KCNT2: variants seen among roughly 807,000 people sequenced by gnomAD.
The protein encoded by KCNT2 is potassium channel subfamily T member 2.
A neutral mutation model predicts 153.8 loss-of-function variants in KCNT2; 67 were observed. The ratio of observed to expected loss-of-function variants is 0.44; its 90% CI spans 0.36 to 0.53. The LOEUF (loss-of-function observed/expected upper bound fraction) is 0.53. Among genes scored for constraint, KCNT2 ranks in the 20% least tolerant of loss-of-function variants. The pLI is 0.00. For missense variants in KCNT2, 975 were observed against 1,354.8 expected (o/e 0.72, Z 4.40); for synonymous variants, 500 against 458.8 (o/e 1.09, Z -1.15).
Position 196,492,262 on chromosome 1 carries a change from T to C in KCNT2, c.175A>G (p.Ser59Gly). 7.0e-7 allele frequency: 1 copy of C among 1,420,196 alleles called. No homozygotes were observed. Among genetic ancestry groups the C allele is most frequent in the Non-Finnish European group, 9.4e-7 (1 of 1,067,618 alleles). 88.0% of individuals were successfully genotyped at this position (1,420,196 alleles called of 1,614,324 possible). A position where few individuals can be genotyped will look rare whatever the true frequency, so the allele number is the denominator to read the frequency against. Residue 59 changes from serine to glycine, a missense_variant and splice_region_variant, in exon 2 of 28, where the codon AGT becomes GGT. Around this residue, in one of 6 missense-constraint regions of KCNT2, gnomAD observed 140 missense variants for 216.0 expected, o/e 0.65. Coordinates refer to ENST00000294725, the MANE Select transcript of KCNT2 (RefSeq NM_198503.5). The stretch of plus-strand genomic sequence containing the variant: ...GAGGGGAATGAAATGAATAACTTAC[T>C]TGATCTCTGGTTTTTTATGAAAAAT... ...KLFFIKNQRS[S>G]LRIRLFNFSL...
intron 12 of KCNT2, among the ~76,000 whole-genome samples, chr1:196,399,862 C>T (rs1486412263): frequency 6.6e-6 from 1 of 151,800 alleles, no homozygotes; most frequent in Non-Finnish European, 1.5e-5. Flanking sequence ...AAGGATGTTG[C>T]AAGAAGACAA....
chr1:196,376,104 T>G (rs952490884), intron 13 of KCNT2, among the ~76,000 whole-genome samples: 5 of 151,850 alleles, frequency 3.3e-5, no homozygotes, highest in African/African-American at 1.2e-4. Context: ...AAATATTCCT[T>G]CATTCTAACT....
intron 1 of KCNT2, among the ~76,000 whole-genome samples, chr1:196,515,810 C>T (rs1307818828): frequency 6.6e-6 from 1 of 152,142 alleles, no homozygotes; most frequent in Non-Finnish European, 1.5e-5. Context: ...GATGACTGCC[C>T]ACCCTGGAGC....
intron 14 of KCNT2, among the ~76,000 whole-genome samples, chr1:196,351,008 A>C (rs1364579190): frequency 6.6e-6 from 1 of 152,092 alleles, no homozygotes; most frequent in African/African-American, 2.4e-5. Flanking sequence ...AAGATCAGAT[A>C]GTTGTAGATA....
chr1:196,385,971 A>G (rs1461718844), intron 13 of KCNT2, among the ~76,000 whole-genome samples: 3 of 152,062 alleles, frequency 2.0e-5, no homozygotes, highest in Non-Finnish European at 4.4e-5. Flanking sequence ...AGAATAACAA[A>G]GTGTGATATC....
Position 196,227,989 on chromosome 1 carries a change from T to C in KCNT2, c.*235A>G, listed in dbSNP as rs1653621374. 3.0e-6 allele frequency: 1 copy of C among 329,158 alleles called. No homozygotes were observed. Among genetic ancestry groups the C allele is most frequent in the Non-Finnish European group, 5.5e-6 (1 of 182,976 alleles). The allele number at this position is 329,158 out of a possible 1,614,324, so 20.4% of individuals were successfully genotyped here. On this transcript the variant is annotated 3_prime_UTR_variant, in exon 28 of 28. Transcript: ENST00000294725. ...ATTAAATGTCAGATTTAAATTTTTG[T>C]ATTTTAATTTAGCTTTTCAAATTTA...
chr1:196,376,542 G>T (rs1558214117), intron 13 of KCNT2, among the ~76,000 whole-genome samples: 1 of 151,526 alleles, frequency 6.6e-6, no homozygotes, highest in East Asian at 2.0e-4. Flanking sequence ...TGGAATTACA[G>T]CTAAGGGATT....
chr1:196,546,919 T>TAATA (rs1009100247), intron 1 of KCNT2, among the ~76,000 whole-genome samples: 19 of 152,102 alleles, frequency 1.2e-4, no homozygotes, highest in Admixed American at 1.1e-3. Context: ...AAAAAGAATG[T>TAATA]AATAAATATT....
intron 8 of KCNT2, among the ~76,000 whole-genome samples, chr1:196,451,788 C>T (rs1676230876): frequency 6.6e-6 from 1 of 151,646 alleles, no homozygotes; most frequent in South Asian, 2.1e-4. Flanking sequence ...TTTGTGTTTA[C>T]TGTTTTTTCT....
chr1:196,301,877 C>A (rs868113574), intron 22 of KCNT2, among the ~76,000 whole-genome samples: 10 of 152,046 alleles, frequency 6.6e-5, no homozygotes, highest in Non-Finnish European at 1.3e-4. Context: ...GTAGCTGGGA[C>A]TACAGGTGCA....
At chr1:196,436,118 T>C (rs900400341) in intron 8 of KCNT2, among the ~76,000 whole-genome samples, 4 of 151,292 alleles carry the variant, frequency 2.6e-5, no homozygotes, top group Non-Finnish European at 5.9e-5. Flanking sequence ...ACTATTCTGA[T>C]TCACATTATA....
intron 1 of KCNT2, among the ~76,000 whole-genome samples, chr1:196,602,826 C>CCGGACTG (rs1157726186): frequency 8.3e-6 from 1 of 121,040 alleles, no homozygotes; most frequent in Non-Finnish European, 1.6e-5. Context: ...GTCGCCCAGG[C>CCGGACTG]CGGACTGCGG....
At chr1:196,565,087 C>T (rs546942159) in intron 1 of KCNT2, among the ~76,000 whole-genome samples, 7 of 127,668 alleles carry the variant, frequency 5.5e-5, no homozygotes, top group Admixed American at 1.6e-4. Context: ...GATTAACATA[C>T]AAAATAAATA....
At chr1:196,480,651 C>T (rs56729681) in intron 4 of KCNT2, among the ~76,000 whole-genome samples, 1 of 151,682 alleles carries the variant, frequency 6.6e-6, no homozygotes, top group Non-Finnish European at 1.5e-5. Flanking sequence ...GTCAGGAGAT[C>T]GAGACCATCC....
At chr1:196,411,464 A>G (rs111312705) in intron 12 of KCNT2, among the ~76,000 whole-genome samples, 2 of 150,020 alleles carry the variant, frequency 1.3e-5, no homozygotes, top group African/African-American at 4.9e-5. Context: ...AAAAAAAAAA[A>G]AAAAACGGCC....
chr1:196,356,520 T>A (rs1667189843), intron 14 of KCNT2, among the ~76,000 whole-genome samples: 1 of 151,782 alleles, frequency 6.6e-6, no homozygotes, highest in Non-Finnish European at 1.5e-5. Flanking sequence ...TCAAAAAAAA[T>A]TAACAACACA....
At chr1:196,235,202 G>A (rs944539602) in intron 27 of KCNT2, among the ~76,000 whole-genome samples, 2 of 151,350 alleles carry the variant, frequency 1.3e-5, no homozygotes, top group Non-Finnish European at 3.0e-5. Context: ...AATTGACACT[G>A]AAACACTTTA....
chr1:196,529,000 G>GA (rs1183924743), intron 1 of KCNT2, among the ~76,000 whole-genome samples: 1 of 151,868 alleles, frequency 6.6e-6, no homozygotes, highest in Non-Finnish European at 1.5e-5. Context: ...TAACTTTTTA[G>GA]AAAAAATGTT....
chr1:196,538,434 A>G (rs972897735), intron 1 of KCNT2, among the ~76,000 whole-genome samples: 1 of 152,192 alleles, frequency 6.6e-6, no homozygotes, highest in Admixed American at 6.5e-5. Flanking sequence ...TCGAAGAATC[A>G]TAGACAGTTT....
Sources: allele counts gnomAD v4.1 joint callset (sites outside exome capture counted in the v4.1 genomes callset), GRCh38; gene constraint gnomAD v4.1.1; regional missense constraint gnomAD v4.1.1; transcripts MANE v1.5; gene names NCBI Gene and HGNC (gene_info 2026-07-23, HGNC 2026-07-21).